The following DCAF6 variants were observed in gnomAD, a reference collection of about 807,000 sequenced individuals.
The protein encoded by DCAF6 is DDB1 and CUL4 associated factor 6.
DCAF6 carries 54 observed loss-of-function variants against 125.1 expected under a neutral mutation model. The observed-to-expected ratio is 0.43, with a 90% CI of 0.35 to 0.54. The LOEUF (loss-of-function observed/expected upper bound fraction) is 0.54, where lower values mean the gene tolerates loss of function less well. Among genes scored for constraint, DCAF6 ranks in the 20% least tolerant of loss-of-function variants. DCAF6 has a pLI of 0.01. For synonymous variants in DCAF6, 371 were observed against 390.4 expected (o/e 0.95, Z 0.58); for missense variants, 934 against 1,161.7 (o/e 0.80, Z 2.85).
chr1:168,014,494 A>C lies in DCAF6; in HGVS notation c.1379-1287A>C, dbSNP rs542912632. Reference sequence around the variant, plus strand: ...TGTGTCATCCCTTACTCTTTAGGGGACTTAAAATGACATCCAAATTTATAT... The same window carrying C: ...TGTGTCATCCCTTACTCTTTAGGGGCCTTAAAATGACATCCAAATTTATAT... On this transcript the variant is annotated intron_variant, in intron 10 of 21. Coordinates refer to ENST00000367840, the MANE Select transcript of DCAF6 (RefSeq NM_001198956.2). Among the ~76,000 whole-genome samples the C allele has an allele frequency of 2.6e-4, 40 of 152,192 alleles. No homozygotes were observed. The South Asian group carries it at 8.1e-3, about 31-fold the overall frequency.
chr1:168,075,266 G>A, intron 21 of DCAF6, 105 bp from the exon 22 acceptor site: 1 of 1,032,756 alleles, frequency 9.7e-7, no homozygotes, highest in East Asian at 2.8e-5. Context: ...ACACATAGTG[G>A]TGAACTGATT....
intron 10 of DCAF6, among the ~76,000 whole-genome samples, chr1:168,013,699 C>T (rs1684592197): frequency 6.6e-6 from 1 of 152,076 alleles, no homozygotes; most frequent in Admixed American, 6.6e-5. Flanking sequence ...CATCAGAATA[C>T]AGACGTGTGT....
chr1:168,018,944 C>T (rs748992913), intron 11 of DCAF6, among the ~76,000 whole-genome samples: 8 of 152,070 alleles, frequency 5.3e-5, no homozygotes, highest in Non-Finnish European at 8.8e-5. Flanking sequence ...GATAGTGTAG[C>T]TTGCTGTAAT....
At chr1:167,974,737 A>T in intron 3 of DCAF6, 93 bp from the exon 4 acceptor site, 1 of 940,814 alleles carries the variant, frequency 1.1e-6, no homozygotes, top group Non-Finnish European at 1.5e-6. Context: ...TGAGAATGTT[A>T]ATGAGAATGT....
At chr1:167,974,067 G>C (rs2102885988) in intron 3 of DCAF6, among the ~76,000 whole-genome samples, 1 of 151,994 alleles carries the variant, frequency 6.6e-6, no homozygotes, top group Admixed American at 6.5e-5. Context: ...TTGAATTTTT[G>C]CCAGTCTGTT....
chr1:167,901,398 G>C, the DCAF6 span, among the ~76,000 whole-genome samples: 1 of 152,028 alleles, frequency 6.6e-6, no homozygotes, highest in Admixed American at 6.6e-5. Flanking sequence ...TATTTTATTG[G>C]GTGGTTCCTA....
At chr1:168,037,541 T>C (rs977805803) in intron 12 of DCAF6, among the ~76,000 whole-genome samples, 1 of 152,198 alleles carries the variant, frequency 6.6e-6, no homozygotes, top group African/African-American at 2.4e-5. Context: ...AAGCTCTGTT[T>C]AATTATGTCT....
chr1:167,934,353 T>A (rs538809495), upstream of DCAF6, among the ~76,000 whole-genome samples: 1 of 152,210 alleles, frequency 6.6e-6, no homozygotes, highest in Non-Finnish European at 1.5e-5. Flanking sequence ...TCACATTCAG[T>A]TGACTCTGTA....
In DCAF6 at chr1:168,015,822, C is replaced by T; in HGVS notation, c.1420C>T (p.Leu474=). Residue 474 remains leucine (L), a synonymous_variant, in exon 11 of 22, where the codon CTG becomes TTG. Coordinates refer to ENST00000367840, the MANE Select transcript of DCAF6 (RefSeq NM_001198956.2). ...TGAGATAGCTTTGCTTCGTAAGCGC[C>T]TGCAACAACTGAGGCTTAAGAAGGC... ...GPEIALLRKR[L]QQLRLKKAEQ... 8.5e-6 allele frequency: 13 copies of T among 1,531,584 alleles called. No individual in the cohort carries two copies. Among genetic ancestry groups the T allele is most frequent in the Non-Finnish European group, 1.1e-5 (12 of 1,137,000 alleles). The allele number at this position is 1,531,584 out of a possible 1,614,324, so 94.9% of individuals were successfully genotyped here. A position where few individuals can be genotyped will look rare whatever the true frequency, so the allele number is the denominator to read the frequency against.
the DCAF6 span, among the ~76,000 whole-genome samples, chr1:167,897,568 AT>A: frequency 0.12 from 1 of 8 alleles, no homozygotes; most frequent in African/African-American, 0.25. Context: ...TGCAGAAGAG[AT>A]GAGAGAAAGC....
intron 1 of DCAF6, among the ~76,000 whole-genome samples, chr1:167,939,100 TG>T (rs1325295429): frequency 1.3e-5 from 2 of 152,150 alleles, no homozygotes; most frequent in African/African-American, 4.8e-5. Context: ...AACTTGAAAA[TG>T]TTTGCAAAGA....
intron 1 of DCAF6, 132 bp from the exon 2 acceptor site, chr1:167,951,668 G>A (rs1422821642): frequency 3.2e-6 from 2 of 627,028 alleles, no homozygotes; most frequent in Non-Finnish European, 5.6e-6. Flanking sequence ...GTATCACTCA[G>A]TTTATAAATG....
At chr1:167,864,397 T>C in the DCAF6 span, among the ~76,000 whole-genome samples, 1 of 152,090 alleles carries the variant, frequency 6.6e-6, no homozygotes, top group South Asian at 2.1e-4. Context: ...TAGAGGTGGG[T>C]TGGCCATCAG....
chr1:167,935,532 T>G (rs903822924), upstream of DCAF6, among the ~76,000 whole-genome samples: 1 of 152,154 alleles, frequency 6.6e-6, no homozygotes, highest in Admixed American at 6.5e-5. Context: ...GGGAGCTGAC[T>G]TGAGATACGT....
intron 16 of DCAF6, among the ~76,000 whole-genome samples, chr1:168,049,408 A>AATT (rs1180055766): frequency 5.7e-5 from 8 of 140,502 alleles, no homozygotes; most frequent in African/African-American, 2.3e-4. Context: ...GCACTCTGCT[A>AATT]ATTTGTTGTT....
chr1:168,004,801 T>C lies in DCAF6; in HGVS notation c.1378+8T>C. 1 of 1,612,256 alleles carries C rather than the reference T, an allele frequency of 6.2e-7. No homozygotes were observed. The highest frequency in any genetic ancestry group is 8.5e-7 in the Non-Finnish European group (1 of 1,178,682). On this transcript the variant is annotated splice_region_variant and intron_variant, in intron 10 of 21. Transcript: ENST00000367840. ...ACACACATCATCAGTCTGGTGAGGA[T>C]AAGTATGCTGTGGTTCATCTAATGA...
chr1:167,877,822 A>G, the DCAF6 span, among the ~76,000 whole-genome samples: 3 of 152,192 alleles, frequency 2.0e-5, no homozygotes, highest in South Asian at 2.1e-4. Context: ...GGTTTTCCCA[A>G]TAGACCAGGA....
the DCAF6 span, among the ~76,000 whole-genome samples, chr1:167,863,778 C>A: frequency 5.3e-5 from 8 of 152,250 alleles, no homozygotes; most frequent in Non-Finnish European, 1.2e-4. Context: ...CGTGGAGGAT[C>A]AACAGAGTGG....
chr1:167,901,904 G>C, the DCAF6 span: 1 of 1,608,546 alleles, frequency 6.2e-7, no homozygotes, highest in Non-Finnish European at 8.5e-7. Context: ...GCATTCCTCA[G>C]CCTATCTCCT....
Sources: allele counts gnomAD v4.1 joint callset (sites outside exome capture counted in the v4.1 genomes callset), GRCh38; gene constraint gnomAD v4.1.1; transcripts MANE v1.5; gene names NCBI Gene and HGNC (gene_info 2026-07-23, HGNC 2026-07-21).